ABCA6: variants seen among roughly 807,000 people sequenced by gnomAD.
ABCA6 encodes the protein ATP-binding cassette sub-family A member 6.
Under a neutral mutation model 191.2 loss-of-function variants are expected in ABCA6, and 164 were observed. That is an observed-to-expected ratio of 0.86 (90% CI 0.76 to 0.98). The LOEUF is 0.98. Among genes scored for constraint, ABCA6 ranks in the 50% least tolerant of loss-of-function variants. The probability of loss-of-function intolerance (pLI) is 0.00; values close to 1 mark genes in which losing one functional copy is unlikely to be tolerated. For missense variants in ABCA6, 1,958 were observed against 1,894.1 expected, an observed-to-expected ratio of 1.03 and a Z score of -0.63; for synonymous variants, 636 against 647.7, an observed-to-expected ratio of 0.98 and a Z score of 0.27.
chr17:69,136,810 A>G (rs1380740295), intron 3 of ABCA6, among the ~76,000 whole-genome samples: 2 of 152,196 alleles, frequency 1.3e-5, no homozygotes, highest in African/African-American at 2.4e-5. Context: ...CATTTAGAAT[A>G]AAGACTTTTA....
At chr17:69,111,938 A>G in intron 16 of ABCA6, 1 of 404,762 alleles carries the variant, frequency 2.5e-6, no homozygotes, top group Non-Finnish European at 4.4e-6. Flanking sequence ...GCTACCTAGA[A>G]AAGTGGCACA....
intron 9 of ABCA6, among the ~76,000 whole-genome samples, chr17:69,124,018 A>T (rs1246978960): frequency 6.6e-6 from 1 of 152,068 alleles, no homozygotes; most frequent in African/African-American, 2.4e-5. Flanking sequence ...AATTGTAGAC[A>T]TGTTTGTCAA....
In ABCA6 at chr17:69,096,625, T is replaced by G; in HGVS notation, c.3294+3A>C. 6.6e-7 allele frequency: 1 copy of G among 1,524,312 alleles called. No individual in the cohort carries two copies. The highest frequency in any genetic ancestry group is 8.8e-7 in the Non-Finnish European group (1 of 1,142,496). The allele number at this position is 1,524,312 out of a possible 1,614,324, so 94.4% of individuals were successfully genotyped here. A position where few individuals can be genotyped will look rare whatever the true frequency, so the allele number is the denominator to read the frequency against. Reference sequence around the variant, plus strand: ...AATTTGGTTTATGTACTGTGTTACTTACCAAAGCAAACACAATTTGGCTTG... The same window carrying G: ...AATTTGGTTTATGTACTGTGTTACTGACCAAAGCAAACACAATTTGGCTTG... On this transcript the variant is annotated splice_donor_region_variant and intron_variant, in intron 24 of 38. Coordinates refer to ENST00000284425, the MANE Select transcript of ABCA6 (RefSeq NM_080284.3).
intron 28 of ABCA6, chr17:69,087,728 T>G: frequency 2.1e-6 from 1 of 481,442 alleles, no homozygotes; most frequent in Non-Finnish European, 3.7e-6. Flanking sequence ...TACTGCTCCT[T>G]TCTCTTTAAA....
In ABCA6 at chr17:69,082,984, T is replaced by G. The variant is rs745329177; in HGVS notation, c.4505A>C (p.Asn1502Thr). The G allele has an allele frequency of 1.4e-5, 22 of 1,614,178 alleles. No individual in the cohort carries two copies. In the South Asian group the frequency reaches 2.4e-4, roughly 18 times the overall value. The change falls in exon 36 of 39, where the codon AAC becomes ACC. Residue 1502 changes from asparagine (N) to threonine (T), a missense_variant. Physicochemically the swap from Asn to Thr is moderately conservative, Grantham distance 65 (BLOSUM62 0). Coordinates refer to ENST00000284425, the MANE Select transcript of ABCA6 (RefSeq NM_080284.3). ...RCIGSIQHLKNKLGKDYILEL... is the reference protein window; with the variant it reads ...RCIGSIQHLKTKLGKDYILEL... ...TAGAATGTAATCCTTGCCAAGTTTG[T>G]TTTTCAGGTGTTGGATGGAGCCAAT...
rs142955156 is a variant in ABCA6, at chr17:69,125,404, C to A, written c.1120-369G>T. Among the ~76,000 whole-genome samples the A allele has an allele frequency of 3.9e-5, 6 of 152,046 alleles. No individual in the cohort carries two copies. In the East Asian group the frequency reaches 1.2e-3, roughly 29 times the overall value. ...CGCCTTTAATTAGATAAAAAGAGAA[C>A]TTACCTCCTTTTCTAGTTATTATTT... On this transcript the variant is annotated intron_variant, in intron 8 of 38. Coordinates refer to ENST00000284425, the MANE Select transcript of ABCA6 (RefSeq NM_080284.3).
intron 2 of ABCA6, 44 bp from the exon 3 acceptor site, chr17:69,137,544 T>C: frequency 1.9e-6 from 3 of 1,559,860 alleles, no homozygotes; most frequent in Non-Finnish European, 2.6e-6. Flanking sequence ...AAGGTTGCAT[T>C]CACTTAAAGA....
chr17:69,101,808 T>C (rs976987157), intron 21 of ABCA6, among the ~76,000 whole-genome samples: 3 of 152,196 alleles, frequency 2.0e-5, no homozygotes, highest in Non-Finnish European at 4.4e-5. Context: ...CACTAGTTCA[T>C]GTAGTAAATA....
chr17:69,129,588 G>A (rs1237745467), intron 7 of ABCA6, 22 bp downstream of exon 7: 1 of 1,557,368 alleles, frequency 6.4e-7, no homozygotes, highest in African/African-American at 1.4e-5. Context: ...CAGAGAAAGT[G>A]GTAATAAATG....
Position 69,113,545 on chromosome 17 carries a change from T to C in ABCA6, c.1902+73A>G. On this transcript the variant is annotated intron_variant, in intron 14 of 38. Coordinates refer to ENST00000284425, the MANE Select transcript of ABCA6 (RefSeq NM_080284.3). ...TGCATTACAATGAAAGCTCTACCAC[T>C]TTTAGTGGTAAAAGAACTTGACATT... 5 of 1,607,214 alleles carry C rather than the reference T, an allele frequency of 3.1e-6. No individual in the cohort carries two copies. In the Admixed American group the frequency reaches 5.1e-5, roughly 16 times the overall value.
chr17:69,106,496 G>C (rs2073306668), intron 18 of ABCA6, among the ~76,000 whole-genome samples: 1 of 151,518 alleles, frequency 6.6e-6, no homozygotes, highest in East Asian at 2.0e-4. Context: ...AGGAGGCTGA[G>C]GTAGGAGAAT....
intron 32 of ABCA6, among the ~76,000 whole-genome samples, 163 bp from the exon 33 acceptor site, chr17:69,084,670 C>CT (rs71144653): frequency 0.11 from 15,986 of 145,456 alleles, 2,850 homozygotes; most frequent in African/African-American, 0.38. Flanking sequence ...ACATGAAAGA[C>CT]TTTTTTTTTT....
chr17:69,107,606 G>T, intron 18 of ABCA6, 90 bp downstream of exon 18: 1 of 903,190 alleles, frequency 1.1e-6, no homozygotes, highest in Non-Finnish European at 1.7e-6. Flanking sequence ...ACATTTCTTA[G>T]TGTGAATCAC....
intron 22 of ABCA6, among the ~76,000 whole-genome samples, chr17:69,100,436 A>G (rs2144645546): frequency 6.6e-6 from 1 of 152,288 alleles, no homozygotes; most frequent in Admixed American, 6.5e-5. Context: ...AGGGTCCACT[A>G]ACTAATTATA....
At chr17:69,119,043 A>G (rs2073590652) in intron 10 of ABCA6, among the ~76,000 whole-genome samples, 1 of 152,064 alleles carries the variant, frequency 6.6e-6, no homozygotes, top group South Asian at 2.1e-4. Flanking sequence ...TCTGAGATTC[A>G]TATTATATTC....
At position 69,134,720 on chromosome 17, in the gene ABCA6, A is replaced by T. The variant is rs757943442; in HGVS notation, c.483T>A (p.Gly161=). ...ATTTGGTCAATGTACATGAAAACTC[A>T]CCATATCCATCCCAGCAATGAGCTG... ...DFSAHCWDGY[G]EFSCTLTKYW... is the part of the protein sequence containing the mutation. The change falls in exon 5 of 39, where the codon GGT becomes GGA. Residue 161 remains glycine (G), a synonymous_variant. Transcript: ENST00000284425. 2 of 1,613,374 alleles carry T rather than the reference A, an allele frequency of 1.2e-6. No individual in the cohort carries two copies. Among genetic ancestry groups the T allele is most frequent in the South Asian group, 2.2e-5 (2 of 91,020 alleles).
chr17:69,107,839 C>A, intron 17 of ABCA6, 27 bp from the exon 18 acceptor site: 1 of 1,338,054 alleles, frequency 7.5e-7, no homozygotes, highest in Non-Finnish European at 1.1e-6. Context: ...TGAATAGATA[C>A]TTTGGAAAAC....
intron 37 of ABCA6, among the ~76,000 whole-genome samples, chr17:69,080,657 C>A (rs1222446706): frequency 6.6e-6 from 1 of 152,068 alleles, no homozygotes; most frequent in Non-Finnish European, 1.5e-5. Flanking sequence ...AAATATAAAG[C>A]AAGGGCATCA....
At chr17:69,122,302 C>T (rs925670180) in intron 10 of ABCA6, among the ~76,000 whole-genome samples, 3 of 152,172 alleles carry the variant, frequency 2.0e-5, no homozygotes, top group Admixed American at 6.5e-5. Context: ...AATAAATAAA[C>T]GATTGCTATT....
Sources: gnomAD v4.1 joint callset for allele counts (sites outside exome capture counted in the v4.1 genomes callset) on GRCh38, gnomAD v4.1.1 for gene constraint, MANE v1.5 for transcripts, NCBI Gene and HGNC (gene_info 2026-07-23, HGNC 2026-07-21) for gene names.